Variants in RYR3 observed in about 807,000 individuals in gnomAD.
RYR3 encodes the protein ryanodine receptor 3.
In RYR3, 207 loss-of-function variants were observed where a neutral mutation model predicts 584.3. That is an observed-to-expected ratio of 0.35 (90% CI 0.32 to 0.40). The LOEUF is 0.40. Among genes scored for constraint, RYR3 ranks in the 10% least tolerant of loss-of-function variants. RYR3 has a pLI of 1.00. For missense variants in RYR3, 5,616 were observed against 6,089.2 expected (o/e 0.92, Z 2.59); for synonymous variants, 2,416 against 2,248.5 (o/e 1.07, Z -2.11).
At chr15:33,349,063 C>CT (rs1972855793) in intron 1 of RYR3, among the ~76,000 whole-genome samples, 1 of 146,220 alleles carries the variant, frequency 6.8e-6, no homozygotes, top group African/African-American at 2.5e-5. Context: ...GCAATATGCA[C>CT]TTAAGGTTCC....
At chr15:33,662,042 G>T in intron 34 of RYR3, 111 bp from the exon 35 acceptor site, 1 of 809,192 alleles carries the variant, frequency 1.2e-6, no homozygotes, top group Non-Finnish European at 1.9e-6. Context: ...AACTGTGGCA[G>T]AGACCCCTCC....
intron 9 of RYR3, among the ~76,000 whole-genome samples, chr15:33,549,129 T>C (rs867742364): frequency 6.6e-6 from 1 of 152,156 alleles, no homozygotes; most frequent in Admixed American, 6.6e-5. Context: ...TTAAGGAGCG[T>C]GCACTTACTA....
At chr15:33,678,747 C>G (rs745607185) in intron 38 of RYR3, among the ~76,000 whole-genome samples, 2 of 152,310 alleles carry the variant, frequency 1.3e-5, no homozygotes, top group East Asian at 3.9e-4. Context: ...TCACGCGCCT[C>G]GAGGGGTCTG....
intron 2 of RYR3, among the ~76,000 whole-genome samples, chr15:33,481,321 G>A (rs983731027): frequency 2.2e-4 from 34 of 152,062 alleles, no homozygotes; most frequent in Non-Finnish European, 1.0e-4. Flanking sequence ...GTAATAATTA[G>A]ATACTCAGGT....
chr15:33,521,297 C>T (rs533759381), intron 3 of RYR3, among the ~76,000 whole-genome samples: 2 of 152,294 alleles, frequency 1.3e-5, no homozygotes, highest in African/African-American at 4.8e-5. Context: ...GCAAATGATG[C>T]CTGTGACTGA....
At chr15:33,824,467 G>A (rs1027072883) in intron 81 of RYR3, among the ~76,000 whole-genome samples, 3 of 152,214 alleles carry the variant, frequency 2.0e-5, no homozygotes, top group Non-Finnish European at 2.9e-5. Flanking sequence ...CTGCTTCAGA[G>A]CAACTATGTC....
intron 18 of RYR3, among the ~76,000 whole-genome samples, chr15:33,606,958 T>C (rs1026403463): frequency 6.6e-6 from 1 of 152,154 alleles, no homozygotes; most frequent in African/African-American, 2.4e-5. Context: ...TCAAGATAAT[T>C]TACCTCTGCA....
intron 3 of RYR3, among the ~76,000 whole-genome samples, chr15:33,526,522 T>C (rs1176939528): frequency 6.6e-6 from 1 of 152,204 alleles, no homozygotes; most frequent in Non-Finnish European, 1.5e-5. Flanking sequence ...TTTCCTGGAA[T>C]GTTATTCCAG....
chr15:33,789,624 TTATATATATATATATATA>T (rs1567174689), intron 67 of RYR3, among the ~76,000 whole-genome samples: 11 of 11,694 alleles, frequency 9.4e-4, no homozygotes, highest in Admixed American at 2.0e-3. Context: ...AGGTTTTATT[TTATATATATATATATATA>T]TATATATATA....
intron 1 of RYR3, among the ~76,000 whole-genome samples, chr15:33,316,254 C>T (rs1968155319): frequency 6.6e-6 from 1 of 151,994 alleles, no homozygotes; most frequent in Non-Finnish European, 1.5e-5. Context: ...ATTTTTACAC[C>T]TTCATAGAAA....
At chr15:33,472,946 A>G (rs1207612514) in intron 1 of RYR3, among the ~76,000 whole-genome samples, 1 of 152,092 alleles carries the variant, frequency 6.6e-6, no homozygotes, top group Admixed American at 6.5e-5. Flanking sequence ...CCTTCCTCCA[A>G]CAAAACATAC....
chr15:33,855,175 G>A (rs182525503), intron 98 of RYR3, among the ~76,000 whole-genome samples: 1 of 152,134 alleles, frequency 6.6e-6, no homozygotes, highest in African/African-American at 2.4e-5. Context: ...GGAGGGAGGT[G>A]ATGGACATGT....
chr15:33,481,658 A>G (rs1484461778), intron 2 of RYR3, among the ~76,000 whole-genome samples: 2 of 150,958 alleles, frequency 1.3e-5, no homozygotes, highest in African/African-American at 4.9e-5. Flanking sequence ...TTTTTTGTAT[A>G]TTTAGTAGAG....
At chr15:33,770,395 T>C (rs191988262) in intron 62 of RYR3, among the ~76,000 whole-genome samples, 1 of 152,328 alleles carries the variant, frequency 6.6e-6, no homozygotes, top group East Asian at 1.9e-4. Context: ...TGTTTTGTTT[T>C]AAATGAAGGT....
intron 10 of RYR3, among the ~76,000 whole-genome samples, chr15:33,556,144 A>G (rs960170125): frequency 6.6e-6 from 1 of 152,190 alleles, no homozygotes; most frequent in South Asian, 2.1e-4. Flanking sequence ...CAGGGTGCCT[A>G]CAGTCCTGTA....
chr15:33,330,541 C>A (rs562098891), intron 1 of RYR3, among the ~76,000 whole-genome samples: 1 of 152,270 alleles, frequency 6.6e-6, no homozygotes, highest in South Asian at 2.1e-4. Context: ...CCAAAGTTTA[C>A]CTGACTAGTG....
At chr15:33,513,825 G>T (rs1037456445) in intron 3 of RYR3, among the ~76,000 whole-genome samples, 13 of 152,250 alleles carry the variant, frequency 8.5e-5, no homozygotes, top group Admixed American at 3.9e-4. Flanking sequence ...GCTCCTAAAC[G>T]TCTATCCCAG....
chr15:33,382,168 T>C (rs1252386416), intron 1 of RYR3, among the ~76,000 whole-genome samples: 1 of 145,632 alleles, frequency 6.9e-6, no homozygotes, highest in Non-Finnish European at 1.5e-5. Context: ...GAAAACTGGA[T>C]ATGGGGAAGT....
intron 60 of RYR3, among the ~76,000 whole-genome samples, chr15:33,760,919 CA>C (rs1409342604): frequency 6.6e-5 from 10 of 152,156 alleles, no homozygotes; most frequent in African/African-American, 2.4e-4. Flanking sequence ...ACAGTGCAAT[CA>C]AACTAGAACT....
Sources: gnomAD v4.1 joint callset for allele counts (sites outside exome capture counted in the v4.1 genomes callset) on GRCh38, gnomAD v4.1.1 for gene constraint, MANE v1.5 for transcripts, NCBI Gene and HGNC (gene_info 2026-07-23, HGNC 2026-07-21) for gene names.